HTRA3: variants seen among roughly 807,000 people sequenced by gnomAD.
HTRA3 encodes HtrA serine peptidase 3, also known as serine protease HTRA3.
HTRA3 carries 41 observed loss-of-function variants against 43.2 expected under a neutral mutation model. The ratio of observed to expected loss-of-function variants is 0.95; its 90% confidence interval spans 0.74 to 1.23. The LOEUF (loss-of-function observed/expected upper bound fraction) is 1.23. HTRA3 is among the 50% of genes most tolerant of loss of function. HTRA3 has a pLI of 0.00. For missense variants in HTRA3, 628 were observed against 647.1 expected, an observed-to-expected ratio of 0.97 and a Z score of 0.32; for synonymous variants, 295 against 287.9, an observed-to-expected ratio of 1.02 and a Z score of -0.25.
At chr4:8,289,672 C>T (rs116082472) in intron 3 of HTRA3, among the ~76,000 whole-genome samples, 2,775 of 152,324 alleles carry the variant, frequency 0.018, 37 homozygotes, top group Middle Eastern at 0.058. Flanking sequence ...AGGTGGGAAA[C>T]GCCCTCCTAG....
Position 8,302,475 on chromosome 4 carries a change from G to A in HTRA3, c.1064G>A (p.Arg355His), listed in dbSNP as rs554312322. 1.6e-5 allele frequency: 26 copies of A among 1,614,090 alleles called. No individual in the cohort carries two copies. Among genetic ancestry groups the A allele is most frequent in the South Asian group, 7.7e-5 (7 of 91,078 alleles). Residue 355 changes from arginine (R) to histidine (H), a missense_variant, in exon 7 of 9, where the codon CGC becomes CAC. Transcript: ENST00000307358. ...GTTTCATTTCCAGACTGGAAGAAGC[G>A]CTTCATCGGCATACGGATGCGGACG... is the stretch of plus-strand genomic sequence containing the variant. The part of the protein sequence containing the change: ...QDKQIKDWKK[R>H]FIGIRMRTIT...
At chr4:8,277,140 C>T (rs577631767) in intron 1 of HTRA3, among the ~76,000 whole-genome samples, 21 of 152,224 alleles carry the variant, frequency 1.4e-4, no homozygotes, top group Non-Finnish European at 2.2e-4. Context: ...ATCCACCCCA[C>T]GGGGAGCCAC....
intron 3 of HTRA3, among the ~76,000 whole-genome samples, chr4:8,287,973 C>T (rs1713063377): frequency 6.6e-6 from 1 of 152,242 alleles, no homozygotes; most frequent in African/African-American, 2.4e-5. Flanking sequence ...CCATGTCTCA[C>T]ACCAGCGTTG....
At chr4:8,285,667 T>C (rs1404051184) in intron 2 of HTRA3, among the ~76,000 whole-genome samples, 3 of 152,222 alleles carry the variant, frequency 2.0e-5, no homozygotes, top group Middle Eastern at 3.2e-3. Context: ...CCCTGCTGGA[T>C]GTGGGGCTGT....
At chr4:8,290,386 C>A (rs1202990403) in intron 3 of HTRA3, among the ~76,000 whole-genome samples, 1 of 152,226 alleles carries the variant, frequency 6.6e-6, no homozygotes, top group African/African-American at 2.4e-5. Context: ...TGGAGGGGAG[C>A]CATCCAGAGG....
At chr4:8,282,961 C>T (rs569000376) in intron 2 of HTRA3, among the ~76,000 whole-genome samples, 2 of 152,258 alleles carry the variant, frequency 1.3e-5, no homozygotes, top group East Asian at 1.9e-4. Context: ...GCAGTGGGAA[C>T]CGGGGGCTCG....
intron 1 of HTRA3, among the ~76,000 whole-genome samples, chr4:8,273,963 A>G (rs904171709): frequency 4.1e-5 from 6 of 145,622 alleles, no homozygotes; most frequent in African/African-American, 1.7e-4. Context: ...TCATCCACAA[A>G]ACATCTCCTG....
At position 8,294,070 on chromosome 4, in the gene HTRA3, C is replaced by G; in HGVS notation, c.937-17C>G. The G allele has an allele frequency of 6.3e-7, 1 of 1,584,204 alleles. No homozygotes were observed. Among genetic ancestry groups the G allele is most frequent in the Non-Finnish European group, 8.6e-7 (1 of 1,160,872 alleles). On this transcript the variant is annotated splice_polypyrimidine_tract_variant and intron_variant, in intron 5 of 8. Coordinates refer to ENST00000307358, the MANE Select transcript of HTRA3 (RefSeq NM_053044.5). ...TGGGTTCCCCCAACTGATGCCTGCTCTTACCTCCCTGCCCAGGATGGCGAG... is the reference window on the plus strand; with the variant it reads ...TGGGTTCCCCCAACTGATGCCTGCTGTTACCTCCCTGCCCAGGATGGCGAG...
chr4:8,292,566 T>C (rs1713291146), intron 5 of HTRA3, among the ~76,000 whole-genome samples: 1 of 152,172 alleles, frequency 6.6e-6, no homozygotes, highest in African/African-American at 2.4e-5. Flanking sequence ...GAATGAGGAC[T>C]CACCCATGAG....
chr4:8,299,460 C>T (rs1200711479), intron 6 of HTRA3, among the ~76,000 whole-genome samples: 2 of 152,052 alleles, frequency 1.3e-5, no homozygotes, highest in African/African-American at 2.4e-5. Context: ...TCTTCCTTTC[C>T]AATCTGAATG....
At position 8,286,907 on chromosome 4, in the gene HTRA3, C is replaced by T; in HGVS notation, c.708+124C>T. ...ATCAGCCAGGGGGAGGAAACTGGGC[C>T]CAGGGAGGACTGGCAGCTGGCCCAG... On this transcript the variant is annotated intron_variant, in intron 3 of 8. Transcript: ENST00000307358. The surrounding 1 kb of genome is among the most constrained non-coding windows in gnomAD (Gnocchi z 4.9). 1.4e-6 allele frequency: 1 copy of T among 715,042 alleles called. No individual in the cohort carries two copies. Among genetic ancestry groups the T allele is most frequent in the South Asian group, 1.8e-5 (1 of 54,438 alleles). The allele number at this position is 715,042 out of a possible 1,614,324, so 44.3% of individuals were successfully genotyped here. A position where few individuals can be genotyped will look rare whatever the true frequency, so the allele number is the denominator to read the frequency against.
At chr4:8,272,095 C>T (rs1578784743) in intron 1 of HTRA3, among the ~76,000 whole-genome samples, 1 of 152,114 alleles carries the variant, frequency 6.6e-6, no homozygotes, top group Admixed American at 6.5e-5. Flanking sequence ...GGGGCCACCT[C>T]CCCACCCCGC....
Position 8,270,049 on chromosome 4 carries a change from G to A in HTRA3, c.81G>A (p.Ala27=). ...AGCCCCCTGCGGCGCCGTGTCCCGC[G>A]CGCTGCGACGTGTCGCGGTGTCCCA... is the stretch of plus-strand genomic sequence containing the variant. ...AREPPAAPCP[A]RCDVSRCPSP... Residue 27 remains alanine (A), a synonymous_variant, in exon 1 of 9, where the codon GCG becomes GCA. Transcript: ENST00000307358. 4.8e-6 allele frequency: 7 copies of A among 1,451,064 alleles called. No homozygotes were observed. The highest frequency in any genetic ancestry group is 6.3e-6 in the Non-Finnish European group (7 of 1,108,906). The allele number at this position is 1,451,064 out of a possible 1,614,324, so 89.9% of individuals were successfully genotyped here.
chr4:8,289,853 G>A lies in HTRA3; in HGVS notation c.709-1517G>A, dbSNP rs538070420. Among the ~76,000 whole-genome samples, 42 of 128,530 alleles carry A rather than the reference G, an allele frequency of 3.3e-4. 1 individual carries two copies. Among genetic ancestry groups the A allele is most frequent in the Admixed American group, 1.9e-3 (24 of 12,710 alleles). The allele number at this position is 128,530 out of a possible 152,430, so 84.3% of individuals were successfully genotyped here. ...CCCCAGCTCATGGCCTCACCTGTGC[G>A]CCCTCCTTGGGTGCAGGGAGGATGG... On this transcript the variant is annotated intron_variant, in intron 3 of 8. Coordinates refer to ENST00000307358, the MANE Select transcript of HTRA3 (RefSeq NM_053044.5).
chr4:8,294,457 C>T (rs1001580714), intron 6 of HTRA3, among the ~76,000 whole-genome samples: 6 of 151,826 alleles, frequency 4.0e-5, no homozygotes, highest in African/African-American at 7.3e-5. Flanking sequence ...AAGGCTGTCT[C>T]CTTTTGGCTG....
chr4:8,283,746 G>C (rs1238342755), intron 2 of HTRA3, among the ~76,000 whole-genome samples: 1 of 152,236 alleles, frequency 6.6e-6, no homozygotes, highest in African/African-American at 2.4e-5. Context: ...CCGCAGGCCA[G>C]GGCTCCAGGG....
At chr4:8,281,184 C>T (rs566345627) in intron 1 of HTRA3, among the ~76,000 whole-genome samples, 100 of 152,332 alleles carry the variant, frequency 6.6e-4, no homozygotes, top group Non-Finnish European at 1.3e-3. Context: ...GCACGGACCG[C>T]GGCCCGGGCC....
chr4:8,289,968 T>C (rs560332127), intron 3 of HTRA3, among the ~76,000 whole-genome samples: 16 of 152,034 alleles, frequency 1.1e-4, no homozygotes, highest in Admixed American at 5.9e-4. Flanking sequence ...CGGCCTCACC[T>C]GTGCACCCTC....
At chr4:8,273,664 A>C (rs1313362756) in intron 1 of HTRA3, among the ~76,000 whole-genome samples, 1 of 150,496 alleles carries the variant, frequency 6.6e-6, no homozygotes, top group Non-Finnish European at 1.5e-5. Context: ...CTCGGGCTCT[A>C]CTCTTCCCAG....
Sources: gnomAD v4.1 joint callset for allele counts (sites outside exome capture counted in the v4.1 genomes callset) on GRCh38, gnomAD v4.1.1 for gene constraint, Gnocchi (gnomAD v3.1) non-coding constraint, MANE v1.5 for transcripts, NCBI Gene and HGNC (gene_info 2026-07-23, HGNC 2026-07-21) for gene names.